Variants in TTC28 observed in about 807,000 individuals in gnomAD.
TTC28 encodes the protein tetratricopeptide repeat domain 28, also known as tetratricopeptide repeat protein 28.
In TTC28, 61 loss-of-function variants were observed where a neutral mutation model predicts 198.0. The observed-to-expected ratio is 0.31, with a 90% confidence interval of 0.25 to 0.38. The LOEUF (loss-of-function observed/expected upper bound fraction) is 0.38, where lower values mean the gene tolerates loss of function less well. Among genes scored for constraint, TTC28 ranks in the 10% least tolerant of loss-of-function variants. The pLI is 1.00. For synonymous variants in TTC28, 1,171 were observed against 1,297.8 expected, an observed-to-expected ratio of 0.90 and a Z score of 2.10; for missense variants, 2,678 against 3,164.0, an observed-to-expected ratio of 0.85 and a Z score of 3.69.
At chr22:28,609,687 GT>G (rs374988434) in intron 2 of TTC28, among the ~76,000 whole-genome samples, 16 of 147,328 alleles carry the variant, frequency 1.1e-4, no homozygotes, top group Admixed American at 2.7e-4. Flanking sequence ...GAGTTTGTTT[GT>G]TTTTTTTTTT....
intron 2 of TTC28, among the ~76,000 whole-genome samples, chr22:28,330,822 C>T (rs958324614): frequency 1.3e-5 from 2 of 152,054 alleles, no homozygotes; most frequent in Non-Finnish European, 2.9e-5. Context: ...GCACATTAAA[C>T]AATTAAAGAG....
intron 2 of TTC28, among the ~76,000 whole-genome samples, chr22:28,625,797 T>C (rs2051069092): frequency 6.6e-6 from 1 of 152,142 alleles, no homozygotes; most frequent in African/African-American, 2.4e-5. Flanking sequence ...AGACTTACCA[T>C]ACATCTATAG....
intron 2 of TTC28, among the ~76,000 whole-genome samples, chr22:28,327,415 G>A (rs1472134715): frequency 1.3e-5 from 2 of 152,100 alleles, no homozygotes; most frequent in South Asian, 2.1e-4. Flanking sequence ...TACTAGTTTG[G>A]TAAGCTTTAT....
intron 12 of TTC28, among the ~76,000 whole-genome samples, chr22:28,044,289 C>CCTT (rs545677799): frequency 6.6e-6 from 1 of 152,158 alleles, no homozygotes; most frequent in Non-Finnish European, 1.5e-5. Flanking sequence ...ATAGAACAAA[C>CCTT]CTTCTGTTGG....
chr22:28,177,361 G>A (rs1923262896), intron 5 of TTC28, among the ~76,000 whole-genome samples: 1 of 152,140 alleles, frequency 6.6e-6, no homozygotes, highest in East Asian at 1.9e-4. Flanking sequence ...AATATCAAAT[G>A]CTGACAAGAA....
intron 13 of TTC28, among the ~76,000 whole-genome samples, chr22:28,021,970 G>C (rs1447164688): frequency 6.6e-6 from 1 of 152,202 alleles, no homozygotes; most frequent in Non-Finnish European, 1.5e-5. Flanking sequence ...TGTGATGTGA[G>C]TACACCACTC....
chr22:28,601,816 A>ACACACACACC (rs398036760), intron 2 of TTC28, among the ~76,000 whole-genome samples: 1 of 150,980 alleles, frequency 6.6e-6, no homozygotes, highest in African/African-American at 2.4e-5. Context: ...ACACACACAC[A>ACACACACACC]GTTCTGGGTA....
chr22:28,456,182 G>C (rs965803035), intron 2 of TTC28, among the ~76,000 whole-genome samples: 1 of 151,268 alleles, frequency 6.6e-6, no homozygotes, highest in Non-Finnish European at 1.5e-5. Context: ...AAAAATGCTG[G>C]TATTTCTAGA....
chr22:28,611,495 C>CTTTTT (rs373893099), intron 2 of TTC28, among the ~76,000 whole-genome samples: 2,300 of 126,668 alleles, frequency 0.018, 58 homozygotes, highest in East Asian at 0.096. Context: ...AAATAAAAGC[C>CTTTTT]TTTTTTTTAA....
chr22:28,081,009 A>G (rs1049485814), intron 12 of TTC28, among the ~76,000 whole-genome samples: 1 of 151,854 alleles, frequency 6.6e-6, no homozygotes, highest in Non-Finnish European at 1.5e-5. Context: ...ATAAGGGTTT[A>G]TTTCTGGGCT....
intron 2 of TTC28, among the ~76,000 whole-genome samples, chr22:28,601,555 G>C (rs1256660490): frequency 6.6e-6 from 1 of 151,970 alleles, no homozygotes; most frequent in Non-Finnish European, 1.5e-5. Flanking sequence ...AAAGTTTGTG[G>C]GAAGACAGAA....
intron 2 of TTC28, among the ~76,000 whole-genome samples, chr22:28,490,090 T>C (rs924710718): frequency 2.0e-5 from 3 of 152,178 alleles, no homozygotes; most frequent in African/African-American, 7.2e-5. Context: ...ATTCTAGCTG[T>C]GCTGGCATCT....
In TTC28 at chr22:27,983,755, C is replaced by A. The variant is rs1303328762; in HGVS notation, c.5912G>T (p.Gly1971Val). 1.3e-6 allele frequency: 2 copies of A among 1,551,498 alleles called. No individual in the cohort carries two copies. The highest frequency in any genetic ancestry group is 2.4e-5 in the East Asian group (1 of 40,918). ...GGGAGAGAAGGGGGGTTGCTGGTAA[C>A]CCAAGGGCAGGGCGTTGGAAACAGA... The part of the protein sequence containing the change: ...AQSVSNALPL[G>V]YQQPPFSPTG... Residue 1971 changes from glycine to valine, a missense_variant, in exon 23 of 23, where the codon GGT becomes GTT. This residue lies in a region of TTC28 where 622 missense variants were observed against 656.0 expected (regional missense o/e 0.95). Transcript: ENST00000397906.
At chr22:28,039,903 T>A (rs1180168570) in intron 12 of TTC28, among the ~76,000 whole-genome samples, 1 of 152,044 alleles carries the variant, frequency 6.6e-6, no homozygotes, top group African/African-American at 2.4e-5. Flanking sequence ...ATAAAAGGGA[T>A]ATCACCACTG....
At chr22:28,032,175 TATATATATATATAAA>T (rs1186130280) in intron 12 of TTC28, among the ~76,000 whole-genome samples, 6,712 of 78,026 alleles carry the variant, frequency 0.086, 708 homozygotes, top group East Asian at 0.21. Flanking sequence ...TGTGTATATA[TATATATATATATAAA>T]ATATATATAT....
chr22:28,052,859 G>A (rs1024104738), intron 12 of TTC28, among the ~76,000 whole-genome samples: 1 of 152,196 alleles, frequency 6.6e-6, no homozygotes, highest in African/African-American at 2.4e-5. Flanking sequence ...TCTTTCTGGA[G>A]AGCAGCAAAA....
At chr22:27,990,087 T>C (rs1937346975) in intron 20 of TTC28, 80 bp from the exon 21 acceptor site, 9 of 1,484,418 alleles carry the variant, frequency 6.1e-6, no homozygotes, top group African/African-American at 1.4e-5. Flanking sequence ...ATTATTCTTA[T>C]GTCACCTGTC....
chr22:28,339,539 T>A (rs1055959127), intron 2 of TTC28, among the ~76,000 whole-genome samples: 1 of 152,144 alleles, frequency 6.6e-6, no homozygotes, highest in African/African-American at 2.4e-5. Context: ...TGGGCTCCAC[T>A]CAGTTCAAGC....
intron 2 of TTC28, among the ~76,000 whole-genome samples, chr22:28,339,946 G>C (rs2045801961): frequency 6.6e-6 from 1 of 152,134 alleles, no homozygotes; most frequent in Non-Finnish European, 1.5e-5. Flanking sequence ...CGGTACCTCA[G>C]TTGGAAATGC....
Sources: gnomAD v4.1 joint callset for allele counts (sites outside exome capture counted in the v4.1 genomes callset) on GRCh38, gnomAD v4.1.1 for gene constraint, gnomAD v4.1.1 regional missense constraint, MANE v1.5 for transcripts, NCBI Gene and HGNC (gene_info 2026-07-23, HGNC 2026-07-21) for gene names.